SRFBP1: variants seen among roughly 807,000 people sequenced by gnomAD.
SRFBP1 encodes serum response factor-binding protein 1.
Under a neutral mutation model 45.5 loss-of-function variants are expected in SRFBP1, and 47 were observed. The ratio of observed to expected loss-of-function variants is 1.03; its 90% CI spans 0.82 to 1.32. SRFBP1 has a LOEUF of 1.32. Ranked by LOEUF, SRFBP1 falls within the 40% of genes most tolerant of loss-of-function variation. The pLI, the probability that SRFBP1 is intolerant of heterozygous loss-of-function variation, is 0.00. For synonymous variants in SRFBP1, 203 were observed against 166.3 expected, an observed-to-expected ratio of 1.22 and a Z score of -1.70; for missense variants, 621 against 484.6, an observed-to-expected ratio of 1.28 and a Z score of -2.64.
intron 2 of SRFBP1, among the ~76,000 whole-genome samples, chr5:122,061,847 TA>T (rs1280197444): frequency 6.6e-6 from 1 of 152,014 alleles, no homozygotes; most frequent in African/African-American, 2.4e-5. Flanking sequence ...AAGCAGGCAG[TA>T]AATTAGTGAG....
At chr5:122,026,046 C>T (rs530724703) in intron 7 of SRFBP1, among the ~76,000 whole-genome samples, 17 of 152,256 alleles carry the variant, frequency 1.1e-4, no homozygotes, top group Non-Finnish European at 1.9e-4. Flanking sequence ...GCCAAGATCA[C>T]GCCACTGCTC....
intron 3 of SRFBP1, among the ~76,000 whole-genome samples, chr5:121,985,882 G>T (rs1474246840): frequency 6.6e-6 from 1 of 151,896 alleles, no homozygotes; most frequent in African/African-American, 2.4e-5. Flanking sequence ...ATTATGTACT[G>T]TGGAAGAAAT....
intron 2 of SRFBP1, among the ~76,000 whole-genome samples, chr5:122,039,448 C>CT (rs950519661): frequency 1.3e-5 from 2 of 152,142 alleles, no homozygotes; most frequent in South Asian, 2.1e-4. Context: ...CTCACTGAAT[C>CT]TATTACTTCT....
chr5:122,038,957 C>A (rs1753732699), intron 2 of SRFBP1, among the ~76,000 whole-genome samples: 1 of 151,934 alleles, frequency 6.6e-6, no homozygotes. Context: ...TCAAATGTGG[C>A]ATATGGTAAT....
chr5:121,966,029 T>C (rs1752056686), intron 1 of SRFBP1, among the ~76,000 whole-genome samples: 1 of 152,214 alleles, frequency 6.6e-6, no homozygotes, highest in African/African-American at 2.4e-5. Context: ...TTTTTGCACA[T>C]TGATTTTGTA....
At chr5:122,003,300 A>G (rs1051210216) in intron 4 of SRFBP1, among the ~76,000 whole-genome samples, 1 of 151,608 alleles carries the variant, frequency 6.6e-6, no homozygotes, top group Admixed American at 6.6e-5. Context: ...AGCTGTGATC[A>G]TGCCACTGCA....
At chr5:121,965,368 A>G (rs1458205435) in intron 1 of SRFBP1, among the ~76,000 whole-genome samples, 1 of 152,188 alleles carries the variant, frequency 6.6e-6, no homozygotes, top group Non-Finnish European at 1.5e-5. Context: ...ATTTTTGTAT[A>G]AGGTGTAAGG....
chr5:122,069,952 G>A, intron 2 of SRFBP1: 1 of 861,062 alleles, frequency 1.2e-6, no homozygotes, highest in Non-Finnish European at 2.0e-6. Context: ...TTACAAGAAA[G>A]CTGCTGTAGT....
Position 121,962,003 on chromosome 5 carries a change from G to T in SRFBP1, c.-30G>T. On this transcript the variant is annotated 5_prime_UTR_variant, in exon 1 of 8. Coordinates refer to ENST00000339397, the MANE Select transcript of SRFBP1 (RefSeq NM_152546.3). ...GTCTGAGAGACCGGTTCACGTGCAG[G>T]CAGCGGCGGATCATATTCCTTCATC... is the stretch of plus-strand genomic sequence containing the variant. The T allele has an allele frequency of 1.9e-6, 3 of 1,613,432 alleles. No homozygotes were observed. The highest frequency in any genetic ancestry group is 1.1e-5 in the South Asian group (1 of 91,072).
At chr5:121,982,593 C>T (rs1752432196) in intron 3 of SRFBP1, among the ~76,000 whole-genome samples, 1 of 151,714 alleles carries the variant, frequency 6.6e-6, no homozygotes, top group Middle Eastern at 3.2e-3. Context: ...GTTTTTGAAC[C>T]GCTTGCTTCT....
At position 122,010,978 on chromosome 5, in the gene SRFBP1, C is replaced by T. The variant is rs148465341; in HGVS notation, c.271-8282C>T. Among the ~76,000 whole-genome samples the T allele has an allele frequency of 9.9e-5, 15 of 151,966 alleles. No individual in the cohort carries two copies. The East Asian group carries it at 2.9e-3, about 29-fold the overall frequency. On this transcript the variant is annotated intron_variant, in intron 4 of 7. Coordinates refer to ENST00000339397, the MANE Select transcript of SRFBP1 (RefSeq NM_152546.3). ...ACCTAAATATCCATGTTTAGTTAGC[C>T]CCAATTCTCGTGATACAGCCAAATG...
At chr5:122,049,295 G>T (rs1580544584) in intron 2 of SRFBP1, among the ~76,000 whole-genome samples, 1 of 152,072 alleles carries the variant, frequency 6.6e-6, no homozygotes, top group African/African-American at 2.4e-5. Flanking sequence ...TTACATAATG[G>T]TAAAGGGATC....
chr5:121,992,795 A>G (rs1419486211), intron 3 of SRFBP1, among the ~76,000 whole-genome samples: 1 of 152,014 alleles, frequency 6.6e-6, no homozygotes, highest in Non-Finnish European at 1.5e-5. Flanking sequence ...TATTCCCTTT[A>G]GTTTTTATTA....
At chr5:122,064,010 A>G (rs2152583119) in intron 2 of SRFBP1, 1 of 152,080 alleles carries the variant, frequency 6.6e-6, no homozygotes, top group South Asian at 2.1e-4. Context: ...TCAGAGGTCA[A>G]GACATCTTTA....
intron 3 of SRFBP1, among the ~76,000 whole-genome samples, chr5:121,991,539 A>C (rs1201935134): frequency 3.3e-5 from 5 of 152,182 alleles, no homozygotes; most frequent in Non-Finnish European, 5.9e-5. Context: ...CTAATATTTA[A>C]GGTGCTATCT....
intron 3 of SRFBP1, among the ~76,000 whole-genome samples, chr5:121,993,059 T>A (rs1434684618): frequency 6.6e-6 from 1 of 152,136 alleles, no homozygotes; most frequent in Non-Finnish European, 1.5e-5. Flanking sequence ...TAATAATTAG[T>A]CCAACAAATT....
chr5:122,027,435 C>G lies in SRFBP1; in HGVS notation c.*309C>G, dbSNP rs955276551. 5.8e-6 allele frequency: 1 copy of G among 171,516 alleles called. No homozygotes were observed. 10.6% of individuals were successfully genotyped at this position (171,516 alleles called of 1,614,324 possible). ...GTATTTTTTTTTAAAGTAAATTCAA[C>G]TTACGCTTATATAAGCCTTTCACAA... On this transcript the variant is annotated 3_prime_UTR_variant, in exon 8 of 8. Transcript: ENST00000339397.
At chr5:122,006,747 G>C (rs1293694894) in intron 4 of SRFBP1, among the ~76,000 whole-genome samples, 1 of 151,776 alleles carries the variant, frequency 6.6e-6, no homozygotes, top group East Asian at 1.9e-4. Flanking sequence ...TTTCATATAT[G>C]TAATTTTAGT....
rs80254192 is a variant in SRFBP1 at position 122,020,469 on chromosome 5, G to T, written c.734G>T (p.Gly245Val). 3.8e-4 allele frequency: 620 copies of T among 1,614,074 alleles called. 4 individuals carry two copies. In the East Asian group the frequency reaches 9.7e-3, roughly 25 times the overall value. ...KNKGSDSSLSGNSDGGEEFCE... is the reference protein window; with the variant it reads ...KNKGSDSSLSVNSDGGEEFCE... ...AAAGGATCTGATAGCTCACTCTCTGGTAACAGTGATGGCGGAGAAGAATTT... is the reference window on the plus strand; with the variant it reads ...AAAGGATCTGATAGCTCACTCTCTGTTAACAGTGATGGCGGAGAAGAATTT... The change falls in exon 6 of 8, where the codon GGT becomes GTT. Residue 245 changes from glycine to valine, a missense_variant. Physicochemically the swap from Gly to Val is moderately radical, Grantham distance 109. Coordinates refer to ENST00000339397, the MANE Select transcript of SRFBP1 (RefSeq NM_152546.3).
Sources: gnomAD v4.1 joint callset for allele counts (sites outside exome capture counted in the v4.1 genomes callset) on GRCh38, gnomAD v4.1.1 for gene constraint, MANE v1.5 for transcripts, NCBI Gene and HGNC (gene_info 2026-07-23, HGNC 2026-07-21) for gene names.